Variants in CENPF observed in about 807,000 individuals in gnomAD.
The protein encoded by CENPF is centromere protein F.
In CENPF, 214 loss-of-function variants were observed where a neutral mutation model predicts 307.3. The ratio of observed to expected loss-of-function variants is 0.70; its 90% CI spans 0.62 to 0.78. The LOEUF (loss-of-function observed/expected upper bound fraction) is 0.78, where lower values mean the gene tolerates loss of function less well. Among genes scored for constraint, CENPF ranks in the 30% least tolerant of loss-of-function variants. CENPF has a pLI of 0.00. For missense variants in CENPF, 3,401 were observed against 3,483.9 expected (o/e 0.98, Z 0.60); for synonymous variants, 1,259 against 1,270.6 (o/e 0.99, Z 0.19).
chr1:214,622,955 G>A (rs1192149157), intron 7 of CENPF, among the ~76,000 whole-genome samples: 1 of 152,146 alleles, frequency 6.6e-6, no homozygotes, highest in Non-Finnish European at 1.5e-5. Context: ...GTTTACACCC[G>A]AATCCCCACA....
Position 214,646,278 on chromosome 1 carries a change from TAA to T in CENPF, c.6711_6712del (p.Leu2239ValfsTer16). The T allele has an allele frequency of 6.2e-7, 1 of 1,614,102 alleles. No homozygotes were observed. Among genetic ancestry groups the T allele is most frequent in the South Asian group, 1.1e-5 (1 of 91,080 alleles). The part of the protein sequence containing the change: ...SELDKLLSSF[K>X]SLLEEKEQAE... Reference sequence around the variant, plus strand: ...AACTAGACAAGTTACTCTCTTCATTTAAAAGTCTGTTAGAAGAAAAGGAGCAA... The same window carrying T: ...AACTAGACAAGTTACTCTCTTCATTTAAGTCTGTTAGAAGAAAAGGAGCAA... On this transcript the variant is annotated frameshift_variant, in exon 13 of 20. Coordinates refer to ENST00000366955, the MANE Select transcript of CENPF (RefSeq NM_016343.4). LOFTEE classifies it high-confidence loss of function.
At chr1:214,637,703 T>C (rs1658000216) in intron 10 of CENPF, among the ~76,000 whole-genome samples, 163 bp from the exon 11 acceptor site, 1 of 152,186 alleles carries the variant, frequency 6.6e-6, no homozygotes. Flanking sequence ...TAACATTATT[T>C]AAGTAAGAAT....
At chr1:214,653,753 A>G (rs972869464) in intron 16 of CENPF, 18 of 152,228 alleles carry the variant, frequency 1.2e-4, no homozygotes, top group African/African-American at 3.6e-4. Flanking sequence ...CTCTTATACA[A>G]CTATCAAGGT....
intron 3 of CENPF, among the ~76,000 whole-genome samples, chr1:214,616,841 CTT>C (rs1657356208): frequency 4.1e-4 from 1 of 2,458 alleles, no homozygotes; most frequent in South Asian, 0.029. Flanking sequence ...CTTCCTCTTT[CTT>C]TCTTTCTTTC....
intron 13 of CENPF, among the ~76,000 whole-genome samples, chr1:214,647,791 C>A (rs990425441): frequency 2.0e-5 from 3 of 152,134 alleles, no homozygotes; most frequent in Admixed American, 6.5e-5. Context: ...TATCTAGGAT[C>A]GGAAAGGATC....
chr1:214,622,544 A>C (rs1008851087), intron 7 of CENPF, among the ~76,000 whole-genome samples: 2 of 152,224 alleles, frequency 1.3e-5, no homozygotes, highest in East Asian at 3.8e-4. Context: ...GAGAATAAAG[A>C]AAATGTATAT....
At position 214,656,933 on chromosome 1, in the gene CENPF, G is replaced by A; in HGVS notation, c.8486G>A (p.Gly2829Asp). 5 of 1,592,372 alleles carry A rather than the reference G, an allele frequency of 3.1e-6. No individual in the cohort carries two copies. Among genetic ancestry groups the A allele is most frequent in the Non-Finnish European group, 4.3e-6 (5 of 1,170,450 alleles). The part of the protein sequence containing the change: ...LQAAQEKQKT[G>D]TVMDTKVDEL... ...TGATGTGTTGCTTTACTTTGGACAG[G>A]TACTGTTATGGATACCAAGGTCGAT... Residue 2829 changes from glycine to aspartate, a missense_variant and splice_region_variant, in exon 18 of 20, where the codon GGT becomes GAT. Transcript: ENST00000366955.
chr1:214,608,671 C>T (rs1244563683), intron 1 of CENPF: 3 of 1,599,188 alleles, frequency 1.9e-6, no homozygotes, highest in East Asian at 2.2e-5. Flanking sequence ...CGAGGAGGCC[C>T]GCAGGGTCCC....
intron 3 of CENPF, among the ~76,000 whole-genome samples, chr1:214,617,238 G>C (rs1007647033): frequency 1.8e-4 from 28 of 151,974 alleles, no homozygotes; most frequent in Admixed American, 1.3e-3. Context: ...AGTAGAGAGA[G>C]GTTTTCGCCA....
intron 12 of CENPF, among the ~76,000 whole-genome samples, chr1:214,644,100 TG>T (rs1658212049): frequency 6.6e-6 from 1 of 152,140 alleles, no homozygotes; most frequent in Non-Finnish European, 1.5e-5. Flanking sequence ...GTACAGTAAG[TG>T]CTGGATTGGG....
intron 3 of CENPF, among the ~76,000 whole-genome samples, chr1:214,616,992 CTCTT>C (rs1483295767): frequency 1.5e-5 from 2 of 132,220 alleles, no homozygotes; most frequent in East Asian, 2.4e-4. Flanking sequence ...CTCCCTCTCT[CTCTT>C]TCTCTCTTTC....
intron 11 of CENPF, among the ~76,000 whole-genome samples, chr1:214,639,418 T>C (rs1658047081): frequency 6.6e-6 from 1 of 152,196 alleles, no homozygotes; most frequent in Non-Finnish European, 1.5e-5. Flanking sequence ...CATTTACTCT[T>C]TTCTACTTAA....
Position 214,663,685 on chromosome 1 carries a change from G to C in CENPF, c.9236G>C (p.Ser3079Thr). 1 of 1,614,044 alleles carries C rather than the reference G, an allele frequency of 6.2e-7. No individual in the cohort carries two copies. Among genetic ancestry groups the C allele is most frequent in the Non-Finnish European group, 8.5e-7 (1 of 1,180,022 alleles). Residue 3079 changes from serine (S) to threonine (T), a missense_variant, in exon 20 of 20, where the codon AGT (serine) becomes ACT (threonine). Coordinates refer to ENST00000366955, the MANE Select transcript of CENPF (RefSeq NM_016343.4). ...SVPVNNLPER[S>T]PTDSPREGLR... ...CCAGTCAATAATCTTCCTGAGAGAA[G>C]TCCGACTGACAGCCCCAGAGAGGGC...
rs368041766 is a variant in CENPF, at chr1:214,638,015, G to A, written c.1582+14G>A. 1.9e-6 allele frequency: 3 copies of A among 1,600,088 alleles called. No homozygotes were observed. Among genetic ancestry groups the A allele is most frequent in the African/African-American group, 2.7e-5 (2 of 74,334 alleles). On this transcript the variant is annotated intron_variant, in intron 11 of 19. Transcript: ENST00000366955. ...AAGAAATGAAAGGTAAGTAAACTTA[G>A]TATTTTAGAGTTACCTTTCTAAGCT...
At chr1:214,631,464 A>C (rs1473550322) in intron 9 of CENPF, among the ~76,000 whole-genome samples, 1 of 152,188 alleles carries the variant, frequency 6.6e-6, no homozygotes, top group Non-Finnish European at 1.5e-5. Flanking sequence ...GAACATATGC[A>C]TCCCAATATT....
rs1428724856 is a variant in CENPF at position 214,664,551 on chromosome 1, A to G, written c.*757A>G. ...TATAGCCTTTGTTTTCTAATAAAATAGTCGCCTTCGTTTTCTGTAAGAATG... is the reference window on the plus strand; with the variant it reads ...TATAGCCTTTGTTTTCTAATAAAATGGTCGCCTTCGTTTTCTGTAAGAATG... On this transcript the variant is annotated 3_prime_UTR_variant, in exon 20 of 20. Coordinates refer to ENST00000366955, the MANE Select transcript of CENPF (RefSeq NM_016343.4). 8 of 152,234 alleles carry G rather than the reference A, an allele frequency of 5.3e-5. No individual in the cohort carries two copies. Among genetic ancestry groups the G allele is most frequent in the Non-Finnish European group, 1.0e-4 (7 of 68,044 alleles). 9.4% of individuals were successfully genotyped at this position (152,234 alleles called of 1,614,324 possible). A position where few individuals can be genotyped will look rare whatever the true frequency, so the allele number is the denominator to read the frequency against.
At chr1:214,609,189 G>T (rs538044567) in intron 1 of CENPF, among the ~76,000 whole-genome samples, 2 of 151,810 alleles carry the variant, frequency 1.3e-5, no homozygotes, top group South Asian at 2.1e-4. Context: ...CATCGCCACC[G>T]CCGCAGCTCC....
rs752816021 is a variant in CENPF, at chr1:214,657,192, T to A, written c.8745T>A (p.Ser2915=). The A allele has an allele frequency of 6.2e-6, 10 of 1,614,156 alleles. No individual in the cohort carries two copies. In the East Asian group the frequency reaches 2.2e-4, roughly 36 times the overall value. ...TTCCAGGACCATCTCCAATCCCTTC[T>A]GTTACTGAAAAGAGGTTATCATCTG... The part of the protein sequence containing the change: ...PVVPGPSPIP[S]VTEKRLSSGQ... The change falls in exon 18 of 20, where the codon TCT becomes TCA. Residue 2915 remains serine (S), a synonymous_variant. Transcript: ENST00000366955.
chr1:214,647,923 G>T (rs1353062161), intron 13 of CENPF: 1 of 450,580 alleles, frequency 2.2e-6, no homozygotes, highest in Non-Finnish European at 4.5e-6. Context: ...CGTGCTTTCA[G>T]TCCCTCTTAT....
Sources: allele counts gnomAD v4.1 joint callset (sites outside exome capture counted in the v4.1 genomes callset), GRCh38; gene constraint gnomAD v4.1.1; transcripts MANE v1.5; gene names NCBI Gene and HGNC (gene_info 2026-07-23, HGNC 2026-07-21).